The following ADARB2 variants were observed in gnomAD, a reference collection of about 807,000 sequenced individuals.
ADARB2 encodes inactive double-stranded RNA-specific editase B2.
In ADARB2, 25 loss-of-function variants were observed where a neutral mutation model predicts 62.2. That is an observed-to-expected ratio of 0.40 (90% confidence interval 0.29 to 0.56). ADARB2 has a LOEUF of 0.56. ADARB2 is among the 20% of genes least tolerant of loss of function. The pLI is 0.43. For missense variants in ADARB2, 1,071 were observed against 1,077.4 expected, an observed-to-expected ratio of 0.99 and a Z score of 0.08; for synonymous variants, 572 against 500.8, an observed-to-expected ratio of 1.14 and a Z score of -1.90.
At chr10:1,413,096 C>T (rs147905728) in intron 1 of ADARB2, among the ~76,000 whole-genome samples, 144 of 152,336 alleles carry the variant, frequency 9.5e-4, no homozygotes, top group African/African-American at 3.3e-3. Flanking sequence ...GCCATGCATA[C>T]TCTAGAATGG....
chr10:1,681,473 C>T lies in ADARB2; in HGVS notation c.100+55578G>A, dbSNP rs140660814. Among the ~76,000 whole-genome samples, 22 of 147,318 alleles carry T rather than the reference C, an allele frequency of 1.5e-4. No homozygotes were observed. In the East Asian group the frequency reaches 4.4e-3, roughly 30 times the overall value. On this transcript the variant is annotated intron_variant, in intron 1 of 9. Transcript: ENST00000381312. ...AACTTAAAGAGGCAAACTAATATAG[C>T]TTAAAAAATATTAAAAAAAAAAACC...
intron 2 of ADARB2, among the ~76,000 whole-genome samples, chr10:1,370,051 T>C (rs1832354036): frequency 6.6e-6 from 1 of 152,212 alleles, no homozygotes; most frequent in Non-Finnish European, 1.5e-5. Flanking sequence ...TGTCAAATGT[T>C]GCAGACACTC....
At position 1,368,185 on chromosome 10, in the gene ADARB2, ACGTGACCCTGGG is replaced by A. The variant is rs879860626; in HGVS notation, c.188-4280_188-4269del. ...GGGCTCTGCTCCATCGTCCAGGGGTACGTGACCCTGGGCAAGTCACTCAGTCTGGCCAACTGA... is the reference window on the plus strand; with the variant it reads ...GGGCTCTGCTCCATCGTCCAGGGGTACAAGTCACTCAGTCTGGCCAACTGA... On this transcript the variant is annotated intron_variant, in intron 2 of 9. Coordinates refer to ENST00000381312, the MANE Select transcript of ADARB2 (RefSeq NM_018702.4). Among the ~76,000 whole-genome samples the A allele has an allele frequency of 6.8e-3, 1,016 of 148,834 alleles. 3 individuals carry two copies. The highest frequency in any genetic ancestry group is 0.028 in the Middle Eastern group (8 of 290).
intron 7 of ADARB2, among the ~76,000 whole-genome samples, chr10:1,205,482 T>C (rs552344045): frequency 2.7e-5 from 4 of 150,650 alleles, no homozygotes; most frequent in Admixed American, 1.3e-4. Flanking sequence ...CTGAGGGGTC[T>C]CTGGGTTGCC....
intron 1 of ADARB2, among the ~76,000 whole-genome samples, chr10:1,685,469 C>T (rs914419140): frequency 6.6e-6 from 1 of 152,052 alleles, no homozygotes; most frequent in Admixed American, 6.6e-5. Flanking sequence ...AGGCAGGTAC[C>T]GAATCCATCA....
chr10:1,377,304 G>T (rs1167660480), intron 2 of ADARB2, among the ~76,000 whole-genome samples: 16 of 144,626 alleles, frequency 1.1e-4, no homozygotes, highest in African/African-American at 4.2e-4. Flanking sequence ...TGCTCCTGGG[G>T]TGTGTGTGCA....
intron 1 of ADARB2, among the ~76,000 whole-genome samples, chr10:1,687,919 A>G (rs765356060): frequency 3.3e-5 from 5 of 152,302 alleles, no homozygotes; most frequent in South Asian, 4.2e-4. Flanking sequence ...TTCTAAACGG[A>G]GCAGTTGAAA....
intron 1 of ADARB2, among the ~76,000 whole-genome samples, chr10:1,615,140 AC>A (rs1453531338): frequency 3.3e-5 from 5 of 152,194 alleles, no homozygotes; most frequent in Admixed American, 6.5e-5. Context: ...GAAAATAATG[AC>A]AAAAATTACA....
intron 3 of ADARB2, among the ~76,000 whole-genome samples, chr10:1,288,451 C>T (rs528167826): frequency 2.6e-5 from 4 of 152,260 alleles, no homozygotes; most frequent in Non-Finnish European, 2.9e-5. Flanking sequence ...GAGGCAGTTA[C>T]GATTATTGTC....
chr10:1,500,187 C>T (rs186596655), intron 1 of ADARB2, among the ~76,000 whole-genome samples: 136 of 152,348 alleles, frequency 8.9e-4, no homozygotes, highest in African/African-American at 3.1e-3. Flanking sequence ...GAACCCAGCA[C>T]GGAAGTGCCC....
intron 1 of ADARB2, among the ~76,000 whole-genome samples, chr10:1,509,417 C>A (rs755113487): frequency 6.6e-6 from 1 of 152,128 alleles, no homozygotes; most frequent in African/African-American, 2.4e-5. Context: ...AAGAAGCCCT[C>A]GGGGGTTCGT....
At chr10:1,724,193 A>G (rs116602922) in intron 1 of ADARB2, among the ~76,000 whole-genome samples, 4,903 of 152,262 alleles carry the variant, frequency 0.032, 291 homozygotes, top group African/African-American at 0.11. Context: ...TTAAAAGCAC[A>G]TGCATGTGCC....
At chr10:1,595,089 G>A (rs1401948076) in intron 1 of ADARB2, among the ~76,000 whole-genome samples, 1 of 152,198 alleles carries the variant, frequency 6.6e-6, no homozygotes, top group African/African-American at 2.4e-5. Flanking sequence ...CACCTGGGGC[G>A]TGGCCTGAAT....
At chr10:1,473,365 G>T (rs1420822728) in intron 1 of ADARB2, among the ~76,000 whole-genome samples, 3 of 151,970 alleles carry the variant, frequency 2.0e-5, no homozygotes, top group African/African-American at 7.3e-5. Flanking sequence ...GATATATTTT[G>T]TTGTTGTTGT....
chr10:1,656,860 G>A lies in ADARB2; in HGVS notation c.100+80191C>T, dbSNP rs548816704. ...TATCCTGTTGCCCAGAGAATGCTGT[G>A]GATTTTTTTTCCATGCCATGAAGTA... On this transcript the variant is annotated intron_variant, in intron 1 of 9. Transcript: ENST00000381312. Among the ~76,000 whole-genome samples the A allele has an allele frequency of 2.1e-5, 3 of 143,252 alleles. No individual in the cohort carries two copies. In the South Asian group the frequency reaches 6.8e-4, roughly 32 times the overall value. 94.0% of individuals were successfully genotyped at this position (143,252 alleles called of 152,430 possible). A position where few individuals can be genotyped will look rare whatever the true frequency, so the allele number is the denominator to read the frequency against.
At position 1,603,826 on chromosome 10, in the gene ADARB2, CAG is replaced by C. The variant is rs1222278504; in HGVS notation, c.100+133223_100+133224del. 2.6e-5 allele frequency among the ~76,000 whole-genome samples: 4 copies of C among 151,692 alleles called. No individual in the cohort carries two copies. The South Asian group carries it at 8.3e-4, about 32-fold the overall frequency. ...TTTTATTTATTTATTTATTTTGAGA[CAG>C]AGTTTTACTCTGTCTCCAGGCTGTA... On this transcript the variant is annotated intron_variant, in intron 1 of 9. Transcript: ENST00000381312.
At chr10:1,639,186 A>C (rs1183954226) in intron 1 of ADARB2, among the ~76,000 whole-genome samples, 1 of 152,212 alleles carries the variant, frequency 6.6e-6, no homozygotes, top group Non-Finnish European at 1.5e-5. Flanking sequence ...CTGTCCTGGA[A>C]CTGAGCCAGG....
At chr10:1,664,744 G>A (rs1834293534) in intron 1 of ADARB2, among the ~76,000 whole-genome samples, 1 of 152,130 alleles carries the variant, frequency 6.6e-6, no homozygotes, top group African/African-American at 2.4e-5. Context: ...GACGGCAAGG[G>A]GAACGTGGGA....
At chr10:1,633,273 T>G (rs1203884635) in intron 1 of ADARB2, among the ~76,000 whole-genome samples, 1 of 152,064 alleles carries the variant, frequency 6.6e-6, no homozygotes, top group Non-Finnish European at 1.5e-5. Flanking sequence ...ATGAGCCAGT[T>G]CCCATAATAA....
Sources: allele counts gnomAD v4.1 joint callset (sites outside exome capture counted in the v4.1 genomes callset), GRCh38; gene constraint gnomAD v4.1.1; transcripts MANE v1.5; gene names NCBI Gene and HGNC (gene_info 2026-07-23, HGNC 2026-07-21).